IPCEF1: variants seen among roughly 807,000 people sequenced by gnomAD.
IPCEF1 encodes interaction protein for cytohesin exchange factors 1.
In IPCEF1, 31 loss-of-function variants were observed where a neutral mutation model predicts 50.9. The observed-to-expected ratio is 0.61, with a 90% confidence interval of 0.46 to 0.82. IPCEF1 has a LOEUF of 0.82. IPCEF1 is among the 40% of genes least tolerant of loss of function. The pLI is 0.00. For missense variants in IPCEF1, 458 were observed against 514.0 expected, an observed-to-expected ratio of 0.89 and a Z score of 1.05; for synonymous variants, 181 against 192.0, an observed-to-expected ratio of 0.94 and a Z score of 0.47.
intron 5 of IPCEF1, among the ~76,000 whole-genome samples, chr6:154,244,491 T>C (rs1326777325): frequency 6.6e-6 from 1 of 152,236 alleles, no homozygotes; most frequent in Admixed American, 6.5e-5. Flanking sequence ...AGTACATGCT[T>C]TGCAACCTGA....
chr6:154,276,107 C>G (rs577361318), intron 2 of IPCEF1, among the ~76,000 whole-genome samples: 1 of 151,954 alleles, frequency 6.6e-6, no homozygotes, highest in African/African-American at 2.4e-5. Flanking sequence ...TCGCTTGAAC[C>G]TGGGAGGTGG....
intron 1 of IPCEF1, among the ~76,000 whole-genome samples, chr6:154,296,672 A>T (rs1782667850): frequency 6.6e-6 from 1 of 152,056 alleles, no homozygotes; most frequent in African/African-American, 2.4e-5. Context: ...TACTAAAAAT[A>T]CAAAAAATTA....
intron 11 of IPCEF1, among the ~76,000 whole-genome samples, chr6:154,164,658 C>G (rs187933091): frequency 6.6e-6 from 1 of 152,128 alleles, no homozygotes; most frequent in African/African-American, 2.4e-5. Flanking sequence ...GTGTGTGGCT[C>G]GACTCAAGAC....
At position 154,247,499 on chromosome 6, in the gene IPCEF1, A is replaced by T; in HGVS notation, c.37-11T>A. 1 of 1,610,430 alleles carries T rather than the reference A, an allele frequency of 6.2e-7. No individual in the cohort carries two copies. The highest frequency in any genetic ancestry group is 8.5e-7 in the Non-Finnish European group (1 of 1,177,188). On this transcript the variant is annotated splice_polypyrimidine_tract_variant and intron_variant, in intron 3 of 11. Coordinates refer to ENST00000367220, the MANE Select transcript of IPCEF1 (RefSeq NM_001130700.2). Reference sequence around the variant, plus strand: ...ACGCAAGGGAACCTGCTGAAAATGCAGGAAGGAAAGAAAAGAGGAAATTTC... The same window carrying T: ...ACGCAAGGGAACCTGCTGAAAATGCTGGAAGGAAAGAAAAGAGGAAATTTC...
chr6:154,246,540 A>G, intron 5 of IPCEF1, 51 bp downstream of exon 5: 1 of 1,560,418 alleles, frequency 6.4e-7, no homozygotes, highest in South Asian at 1.2e-5. Context: ...GATGCCTTTA[A>G]CGTATCCCTC....
chr6:154,180,248 C>A (rs1800718290), intron 10 of IPCEF1, among the ~76,000 whole-genome samples: 1 of 152,110 alleles, frequency 6.6e-6, no homozygotes, highest in South Asian at 2.1e-4. Flanking sequence ...TGACCCTTCA[C>A]TTTTGTTAGA....
chr6:154,179,901 T>G (rs754455122), intron 10 of IPCEF1, among the ~76,000 whole-genome samples: 2 of 152,152 alleles, frequency 1.3e-5, no homozygotes, highest in Non-Finnish European at 2.9e-5. Context: ...TTTGAGTTCA[T>G]CTGGGATTGT....
intron 9 of IPCEF1, among the ~76,000 whole-genome samples, chr6:154,205,626 C>T (rs1186207452): frequency 6.6e-6 from 1 of 152,016 alleles, no homozygotes; most frequent in Non-Finnish European, 1.5e-5. Flanking sequence ...CAAAGAAACA[C>T]ATTAATTTAT....
Position 154,290,893 on chromosome 6 carries a change from C to CTTTTTTTTTTTTTTTTTTTTTTTT in IPCEF1, c.-61-1138_-61-1137insAAAAAAAAAAAAAAAAAAAAAAAA, listed in dbSNP as rs3045866. On this transcript the variant is annotated intron_variant, in intron 1 of 11. Transcript: ENST00000367220. The stretch of plus-strand genomic sequence containing the variant: ...AATTTTTCCAGTAGGAATATATTGC[C>CTTTTTTTTTTTTTTTTTTTTTTTT]TTTTTTTTTTTTTTGAGACAGAGTC... Among the ~76,000 whole-genome samples, 4 of 127,296 alleles carry CTTTTTTTTTTTTTTTTTTTTTTTT rather than the reference C, an allele frequency of 3.1e-5. 1 individual carries two copies. The highest frequency in any genetic ancestry group is 1.3e-4 in the African/African-American group (4 of 31,514). The allele number at this position is 127,296 out of a possible 152,430, so 83.5% of individuals were successfully genotyped here.
Position 154,212,778 on chromosome 6 carries a change from G to C in IPCEF1, c.529C>G (p.Gln177Glu), listed in dbSNP as rs1307022756. The C allele has an allele frequency of 1.2e-6, 2 of 1,609,674 alleles. No homozygotes were observed. The highest frequency in any genetic ancestry group is 4.5e-5 in the East Asian group (2 of 44,884). ...CTTATGTCGGTACATACCAAAGACTGAGTCTGGGAAGCGTGAGGAGGGGGT... is the reference window on the plus strand; with the variant it reads ...CTTATGTCGGTACATACCAAAGACTCAGTCTGGGAAGCGTGAGGAGGGGGT... ...TPPPPHASQTQSLTAQQASSS... is the reference protein window; with the variant it reads ...TPPPPHASQTESLTAQQASSS... The change falls in exon 9 of 12, where the codon CAG (glutamine) becomes GAG (glutamate). Residue 177 changes from glutamine (Q) to glutamate (E), a missense_variant. Physicochemically the swap from Gln to Glu is conservative, Grantham distance 29. Transcript: ENST00000367220.
At chr6:154,281,833 T>C (rs1163028157) in intron 2 of IPCEF1, among the ~76,000 whole-genome samples, 2 of 152,026 alleles carry the variant, frequency 1.3e-5, no homozygotes, top group Non-Finnish European at 2.9e-5. Flanking sequence ...TGAAACCACG[T>C]CTCTACTAAA....
intron 3 of IPCEF1, among the ~76,000 whole-genome samples, chr6:154,259,585 G>A (rs1401933591): frequency 1.3e-5 from 2 of 150,560 alleles, no homozygotes; most frequent in Non-Finnish European, 2.9e-5. Context: ...CTGGGAGGCA[G>A]AGGTTGTGGT....
intron 1 of IPCEF1, among the ~76,000 whole-genome samples, chr6:154,313,824 G>C (rs750057220): frequency 6.6e-6 from 1 of 151,968 alleles, no homozygotes; most frequent in African/African-American, 2.4e-5. Context: ...GCTCACTGCA[G>C]CCTCAAACTA....
At chr6:154,307,064 G>C (rs1263352972) in intron 1 of IPCEF1, among the ~76,000 whole-genome samples, 1 of 152,114 alleles carries the variant, frequency 6.6e-6, no homozygotes, top group Non-Finnish European at 1.5e-5. Context: ...TTTGGTTTTA[G>C]GGCCCATACT....
intron 3 of IPCEF1, among the ~76,000 whole-genome samples, chr6:154,248,459 G>A (rs978444585): frequency 6.6e-6 from 1 of 152,026 alleles, no homozygotes; most frequent in Non-Finnish European, 1.5e-5. Context: ...AGAGAACTCA[G>A]GGGAAAAAAC....
intron 1 of IPCEF1, among the ~76,000 whole-genome samples, chr6:154,350,354 A>G (rs576465522): frequency 6.6e-6 from 1 of 152,212 alleles, no homozygotes; most frequent in African/African-American, 2.4e-5. Flanking sequence ...ATAATCTGGG[A>G]TCACTATCTA....
chr6:154,213,042 A>G (rs1178883011), intron 8 of IPCEF1, 187 bp from the exon 9 acceptor site: 3 of 568,932 alleles, frequency 5.3e-6, no homozygotes, highest in African/African-American at 1.9e-5. Flanking sequence ...CAAATGGCCA[A>G]TTCGGGGCTC....
At position 154,253,452 on chromosome 6, in the gene IPCEF1, A is replaced by T. The variant is rs140207831; in HGVS notation, c.37-5964T>A. 3.3e-3 allele frequency among the ~76,000 whole-genome samples: 501 copies of T among 152,340 alleles called. 5 individuals are homozygous for T. The highest frequency in any genetic ancestry group is 0.012 in the African/African-American group (480 of 41,576). ...TTTTGTAATGTTTTCACGTTGATAC[A>T]TGTATCTCTAGTTCATTTTCAATGC... On this transcript the variant is annotated intron_variant, in intron 3 of 11. Coordinates refer to ENST00000367220, the MANE Select transcript of IPCEF1 (RefSeq NM_001130700.2).
intron 3 of IPCEF1, among the ~76,000 whole-genome samples, chr6:154,256,583 G>C (rs868132824): frequency 3.3e-4 from 43 of 131,212 alleles, no homozygotes; most frequent in African/African-American, 1.1e-3. Flanking sequence ...GTGTGTGTGT[G>C]TGTCTCTCTC....
Sources: gnomAD v4.1 joint callset for allele counts (sites outside exome capture counted in the v4.1 genomes callset) on GRCh38, gnomAD v4.1.1 for gene constraint, MANE v1.5 for transcripts, NCBI Gene and HGNC (gene_info 2026-07-23, HGNC 2026-07-21) for gene names.